The following NOVA1 variants were observed in gnomAD, a reference collection of about 807,000 sequenced individuals.
NOVA1 encodes the protein RNA-binding protein Nova-1.
NOVA1 carries 7 observed loss-of-function variants against 38.0 expected under a neutral mutation model. That is an observed-to-expected ratio of 0.18 (90% confidence interval 0.10 to 0.35). The LOEUF is 0.35. NOVA1 is among the 10% of genes least tolerant of loss of function. The pLI, the probability that NOVA1 is intolerant of heterozygous loss-of-function variation, is 1.00. For missense variants in NOVA1, 460 were observed against 616.0 expected, an observed-to-expected ratio of 0.75 and a Z score of 2.68; for synonymous variants, 270 against 232.5, an observed-to-expected ratio of 1.16 and a Z score of -1.47.
intron 4 of NOVA1, among the ~76,000 whole-genome samples, chr14:26,466,175 T>C (rs962328292): frequency 2.6e-5 from 4 of 152,234 alleles, no homozygotes; most frequent in South Asian, 2.1e-4. Context: ...GGGCAACAAA[T>C]GTCAATGTGG....
chr14:26,495,099 TCTTAGGC>T (rs201519624), intron 2 of NOVA1, among the ~76,000 whole-genome samples: 3,644 of 152,172 alleles, frequency 0.024, 146 homozygotes, highest in African/African-American at 0.084. Context: ...ACTTATTCTC[TCTTAGGC>T]CTTTTTTTTC....
intron 4 of NOVA1, among the ~76,000 whole-genome samples, chr14:26,463,869 A>T (rs955302203): frequency 2.0e-5 from 3 of 152,210 alleles, no homozygotes; most frequent in Non-Finnish European, 4.4e-5. Context: ...TTCATAAAAT[A>T]AAACATCCTT....
At chr14:26,451,318 A>C (rs1267251794) in intron 4 of NOVA1, among the ~76,000 whole-genome samples, 1 of 152,114 alleles carries the variant, frequency 6.6e-6, no homozygotes, top group African/African-American at 2.4e-5. Flanking sequence ...CAATAAAAAA[A>C]CAATATATTT....
chr14:26,566,452 A>G (rs1892141542), intron 2 of NOVA1, among the ~76,000 whole-genome samples: 1 of 152,164 alleles, frequency 6.6e-6, no homozygotes, highest in African/African-American at 2.4e-5. Flanking sequence ...CTTTAAGAAT[A>G]CATCCTTCTT....
intron 2 of NOVA1, among the ~76,000 whole-genome samples, chr14:26,517,981 T>C (rs2138488678): frequency 6.6e-6 from 1 of 152,266 alleles, no homozygotes; most frequent in African/African-American, 2.4e-5. Flanking sequence ...ACTATTCTGA[T>C]GAAATGCAAA....
chr14:26,485,648 G>A (rs1197661555), intron 2 of NOVA1, among the ~76,000 whole-genome samples: 4 of 152,068 alleles, frequency 2.6e-5, no homozygotes, highest in African/African-American at 4.8e-5. Flanking sequence ...CTAGAATAAC[G>A]AACATATGCT....
chr14:26,551,155 T>C (rs78551061), intron 2 of NOVA1, among the ~76,000 whole-genome samples: 1 of 152,026 alleles, frequency 6.6e-6, no homozygotes, highest in African/African-American at 2.4e-5. Flanking sequence ...TAACCTCTCA[T>C]GTAGTTTAAG....
chr14:26,523,748 A>ATTTTTT (rs1182238464), intron 2 of NOVA1, among the ~76,000 whole-genome samples: 1 of 108,638 alleles, frequency 9.2e-6, no homozygotes, highest in African/African-American at 3.6e-5. Flanking sequence ...CCACTTGAAG[A>ATTTTTT]TTTTTTTTTT....
At chr14:26,513,059 T>TA (rs1888211321) in intron 2 of NOVA1, among the ~76,000 whole-genome samples, 1 of 152,038 alleles carries the variant, frequency 6.6e-6, no homozygotes, top group African/African-American at 2.4e-5. Context: ...TAGATTGGTG[T>TA]AAACTTTTCA....
intron 2 of NOVA1, among the ~76,000 whole-genome samples, chr14:26,504,031 AAAAC>A (rs1348789578): frequency 1.3e-5 from 2 of 152,202 alleles, no homozygotes; most frequent in African/African-American, 4.8e-5. Context: ...ATGACATTGT[AAAAC>A]ATGACATTTT....
intron 3 of NOVA1, among the ~76,000 whole-genome samples, chr14:26,475,010 A>C (rs1000420796): frequency 1.3e-5 from 2 of 152,086 alleles, no homozygotes; most frequent in Non-Finnish European, 2.9e-5. Flanking sequence ...AAACAGCTAA[A>C]TGTAAATATA....
At chr14:26,464,303 T>C (rs1440864396) in intron 4 of NOVA1, among the ~76,000 whole-genome samples, 1 of 152,172 alleles carries the variant, frequency 6.6e-6, no homozygotes, top group East Asian at 1.9e-4. Flanking sequence ...TCTGTTTAGA[T>C]ATCTTTAGAT....
intron 2 of NOVA1, among the ~76,000 whole-genome samples, chr14:26,488,530 AAT>A (rs1400172085): frequency 3.3e-5 from 5 of 152,166 alleles, no homozygotes; most frequent in African/African-American, 1.2e-4. Flanking sequence ...ATTATTCTCA[AAT>A]ATATTGCAAT....
chr14:26,449,646 G>C (rs532333433), intron 4 of NOVA1, among the ~76,000 whole-genome samples: 4 of 152,098 alleles, frequency 2.6e-5, no homozygotes, highest in African/African-American at 9.6e-5. Context: ...GCTTGGGGTA[G>C]ATTAACCCTA....
intron 4 of NOVA1, among the ~76,000 whole-genome samples, chr14:26,449,475 C>T (rs1427636627): frequency 6.6e-6 from 1 of 152,074 alleles, no homozygotes; most frequent in African/African-American, 2.4e-5. Context: ...TTCCTTATCA[C>T]CCAGTAATTT....
intron 2 of NOVA1, among the ~76,000 whole-genome samples, chr14:26,508,897 G>C (rs1405673121): frequency 2.0e-5 from 3 of 151,568 alleles, no homozygotes; most frequent in African/African-American, 4.8e-5. Context: ...TTAAATATAT[G>C]AAAGATGAAT....
chr14:26,446,625 G>C lies in NOVA1; in HGVS notation c.*1334C>G, dbSNP rs937672666. On this transcript the variant is annotated 3_prime_UTR_variant, in exon 5 of 5. Transcript: ENST00000539517. ...GATGGATGCCCCTATGAGTGGCCTT[G>C]AGTGGGCAAACTCAGAGGTTAACAG... The C allele has an allele frequency of 2.0e-5, 3 of 152,788 alleles. No individual in the cohort carries two copies. The highest frequency in any genetic ancestry group is 1.3e-4 in the Admixed American group (2 of 15,270). The allele number at this position is 152,788 out of a possible 1,614,324, so 9.5% of individuals were successfully genotyped here. A position where few individuals can be genotyped will look rare whatever the true frequency, so the allele number is the denominator to read the frequency against.
At position 26,446,381 on chromosome 14, in the gene NOVA1, G is replaced by A. The variant is rs1209387695; in HGVS notation, c.*1578C>T. 1 of 152,684 alleles carries A rather than the reference G, an allele frequency of 6.5e-6. No individual in the cohort carries two copies. The highest frequency in any genetic ancestry group is 2.4e-5 in the African/African-American group (1 of 41,450). The allele number at this position is 152,684 out of a possible 1,614,324, so 9.5% of individuals were successfully genotyped here. A position where few individuals can be genotyped will look rare whatever the true frequency, so the allele number is the denominator to read the frequency against. ...AGAGGCTGGACGAAATTCAGACATG[G>A]AGCATCACACTCATTGTTCTTTAAT... On this transcript the variant is annotated 3_prime_UTR_variant, in exon 5 of 5. Transcript: ENST00000539517.
In NOVA1 at chr14:26,447,902, C is replaced by T; in HGVS notation, c.*57G>A. The stretch of plus-strand genomic sequence containing the variant: ...TCACTTCTGCAAAGTACAGTACATC[C>T]TTCTTGAAAATGGGGTAAAGGAGGG... On this transcript the variant is annotated 3_prime_UTR_variant, in exon 5 of 5. Transcript: ENST00000539517. The T allele has an allele frequency of 7.1e-7, 1 of 1,407,902 alleles. No individual in the cohort carries two copies. Among genetic ancestry groups the T allele is most frequent in the South Asian group, 1.2e-5 (1 of 83,650 alleles). The allele number at this position is 1,407,902 out of a possible 1,614,324, so 87.2% of individuals were successfully genotyped here. A position where few individuals can be genotyped will look rare whatever the true frequency, so the allele number is the denominator to read the frequency against.
Sources: gnomAD v4.1 joint callset for allele counts (sites outside exome capture counted in the v4.1 genomes callset) on GRCh38, gnomAD v4.1.1 for gene constraint, MANE v1.5 for transcripts, NCBI Gene and HGNC (gene_info 2026-07-23, HGNC 2026-07-21) for gene names.